Variants in STK39 observed in about 807,000 individuals in gnomAD.
STK39 encodes STE20/SPS1-related proline-alanine-rich protein kinase.
A neutral mutation model predicts 77.8 loss-of-function variants in STK39; 20 were observed. The ratio of observed to expected loss-of-function variants is 0.26; its 90% confidence interval spans 0.18 to 0.37. The LOEUF is 0.37. Among genes scored for constraint, STK39 ranks in the 10% least tolerant of loss-of-function variants. The probability of loss-of-function intolerance (pLI) is 1.00; values close to 1 mark genes in which losing one functional copy is unlikely to be tolerated. For synonymous variants in STK39, 246 were observed against 234.1 expected, an observed-to-expected ratio of 1.05 and a Z score of -0.47; for missense variants, 479 against 656.5, an observed-to-expected ratio of 0.73 and a Z score of 2.95.
chr2:167,978,878 C>G (rs1401085526), intron 16 of STK39, among the ~76,000 whole-genome samples: 1 of 150,630 alleles, frequency 6.6e-6, no homozygotes, highest in Non-Finnish European at 1.5e-5. Flanking sequence ...AGTACATACC[C>G]ATTTTATCTA....
chr2:168,098,603 C>T (rs1440169522), intron 10 of STK39, among the ~76,000 whole-genome samples: 2 of 152,110 alleles, frequency 1.3e-5, no homozygotes, highest in African/African-American at 2.4e-5. Context: ...CTGTGCTATC[C>T]CCTGCTTTTA....
At chr2:167,982,056 G>A (rs896355036) in intron 16 of STK39, among the ~76,000 whole-genome samples, 5 of 152,182 alleles carry the variant, frequency 3.3e-5, no homozygotes, top group Non-Finnish European at 5.9e-5. Context: ...AGTTCGTGGA[G>A]TCATTGTGAA....
At chr2:168,009,753 ACT>A (rs1380989848) in intron 16 of STK39, among the ~76,000 whole-genome samples, 1 of 152,092 alleles carries the variant, frequency 6.6e-6, no homozygotes, top group Admixed American at 6.6e-5. Context: ...TTACTCCAAC[ACT>A]CTCTAAATAG....
At chr2:168,017,333 C>A (rs1442265464) in intron 14 of STK39, among the ~76,000 whole-genome samples, 1 of 146,752 alleles carries the variant, frequency 6.8e-6, no homozygotes, top group East Asian at 2.0e-4. Context: ...ATTCCAAAAA[C>A]AAAATGTTCA....
chr2:167,962,917 G>T (rs982677030), intron 17 of STK39, among the ~76,000 whole-genome samples: 1 of 152,158 alleles, frequency 6.6e-6, no homozygotes, highest in Non-Finnish European at 1.5e-5. Context: ...CGAGGTTCCC[G>T]AGATGTGAAA....
chr2:168,173,510 T>C (rs1387876315), intron 2 of STK39, among the ~76,000 whole-genome samples: 1 of 152,120 alleles, frequency 6.6e-6, no homozygotes, highest in Admixed American at 6.5e-5. Context: ...TGGACTGTCA[T>C]TTTCAATCAT....
intron 3 of STK39, among the ~76,000 whole-genome samples, chr2:168,166,614 A>G (rs999383381): frequency 2.6e-5 from 4 of 152,240 alleles, no homozygotes; most frequent in African/African-American, 7.2e-5. Flanking sequence ...CAATCTTCAC[A>G]AAGTCCACAA....
intron 14 of STK39, among the ~76,000 whole-genome samples, chr2:168,054,743 A>G (rs977554177): frequency 1.3e-5 from 2 of 149,854 alleles, no homozygotes; most frequent in African/African-American, 2.5e-5. Context: ...CGTCCTATCC[A>G]TTACTCTTCT....
chr2:167,977,016 T>C (rs979253298), intron 16 of STK39, among the ~76,000 whole-genome samples: 9 of 152,156 alleles, frequency 5.9e-5, no homozygotes, highest in Non-Finnish European at 1.2e-4. Context: ...GTCTTGAGTA[T>C]TAGTATTATT....
chr2:168,043,642 A>ACC (rs1685166054), intron 14 of STK39, among the ~76,000 whole-genome samples: 1 of 152,240 alleles, frequency 6.6e-6, no homozygotes, highest in South Asian at 2.1e-4. Context: ...ACAATTTCTG[A>ACC]CCACCAACAA....
chr2:168,173,226 T>C (rs2105610577), intron 2 of STK39, among the ~76,000 whole-genome samples: 1 of 152,302 alleles, frequency 6.6e-6, no homozygotes, highest in Non-Finnish European at 1.5e-5. Context: ...ACCAAATACA[T>C]CTGTAAAATG....
At chr2:167,963,523 TA>T (rs1242335979) in intron 17 of STK39, among the ~76,000 whole-genome samples, 312 of 138,562 alleles carry the variant, frequency 2.3e-3, no homozygotes, top group African/African-American at 5.1e-3. Flanking sequence ...ACTCTCACAT[TA>T]AAAAAAAAAA....
At chr2:168,005,066 C>T (rs1327373352) in intron 16 of STK39, among the ~76,000 whole-genome samples, 2 of 140,850 alleles carry the variant, frequency 1.4e-5, no homozygotes, top group South Asian at 2.3e-4. Context: ...AGTGCAGCGG[C>T]GCGATCTCAG....
chr2:168,129,429 A>C, intron 10 of STK39, 112 bp downstream of exon 10: 4 of 1,150,790 alleles, frequency 3.5e-6, no homozygotes, highest in Non-Finnish European at 5.1e-6. Context: ...AATGAGATAT[A>C]GCGTCTGAAT....
chr2:168,095,889 C>A (rs1268506287), intron 10 of STK39, among the ~76,000 whole-genome samples: 3 of 151,972 alleles, frequency 2.0e-5, no homozygotes, highest in Non-Finnish European at 2.9e-5. Context: ...AGACAAATCC[C>A]CAATTATGTT....
At chr2:168,094,095 C>T (rs1271980381) in intron 10 of STK39, among the ~76,000 whole-genome samples, 1 of 152,198 alleles carries the variant, frequency 6.6e-6, no homozygotes, top group Non-Finnish European at 1.5e-5. Context: ...CAGCCCTCCC[C>T]AGCATGCTGT....
chr2:168,064,901 C>T (rs1574433932), intron 13 of STK39, among the ~76,000 whole-genome samples: 1 of 152,088 alleles, frequency 6.6e-6, no homozygotes, highest in Non-Finnish European at 1.5e-5. Flanking sequence ...AGTTACTGGA[C>T]TATTATTTTT....
intron 1 of STK39, among the ~76,000 whole-genome samples, chr2:168,231,096 T>C (rs1319863098): frequency 2.0e-5 from 3 of 152,316 alleles, no homozygotes; most frequent in East Asian, 3.9e-4. Context: ...TTCTATGAAA[T>C]AGTGATCCAG....
intron 16 of STK39, among the ~76,000 whole-genome samples, chr2:167,982,424 G>A (rs1019872202): frequency 1.3e-5 from 2 of 152,150 alleles, no homozygotes; most frequent in African/African-American, 4.8e-5. Context: ...GTTGGCTGAC[G>A]AAGCATCAGA....
Sources: allele counts gnomAD v4.1 joint callset (sites outside exome capture counted in the v4.1 genomes callset), GRCh38; gene constraint gnomAD v4.1.1; transcripts MANE v1.5; gene names NCBI Gene and HGNC (gene_info 2026-07-23, HGNC 2026-07-21).